The following NPSR1 variants were observed in gnomAD, a reference collection of about 807,000 sequenced individuals.
NPSR1 encodes the protein neuropeptide S receptor.
Under a neutral mutation model 46.9 loss-of-function variants are expected in NPSR1, and 48 were observed. The ratio of observed to expected loss-of-function variants is 1.02; its 90% CI spans 0.81 to 1.30. NPSR1 has a LOEUF of 1.30. Ranked by LOEUF, NPSR1 falls within the 50% of genes most tolerant of loss-of-function variation. The pLI, the probability that NPSR1 is intolerant of heterozygous loss-of-function variation, is 0.00. For synonymous variants in NPSR1, 176 were observed against 168.1 expected, an observed-to-expected ratio of 1.05 and a Z score of -0.36; for missense variants, 450 against 449.5, an observed-to-expected ratio of 1.00 and a Z score of -0.01.
At chr7:34,834,598 C>T (rs1192672699) in intron 6 of NPSR1, 138 bp downstream of exon 6, 5 of 665,426 alleles carry the variant, frequency 7.5e-6, no homozygotes, top group Non-Finnish European at 1.3e-5. Context: ...AGACCAGACC[C>T]ACCAAAGGCT....
rs557785352 is a variant in NPSR1, at chr7:34,661,630, C to T, written c.147+3071C>T. Among the ~76,000 whole-genome samples, 160 of 152,312 alleles carry T rather than the reference C, an allele frequency of 1.1e-3. 1 individual carries two copies. The highest frequency in any genetic ancestry group is 1.8e-3 in the Non-Finnish European group (122 of 68,028). On this transcript the variant is annotated intron_variant, in intron 1 of 8. Coordinates refer to ENST00000360581, the MANE Select transcript of NPSR1 (RefSeq NM_207172.2). ...TCTGCTTCCACCCCTCTAACCTACT[C>T]TACCTTCCTAAGCATGTGAGGCTCT... is the stretch of plus-strand genomic sequence containing the variant.
rs533598059 is a variant in NPSR1 at position 34,749,711 on chromosome 7, A to G, written c.281-28751A>G. On this transcript the variant is annotated intron_variant, in intron 2 of 8. Coordinates refer to ENST00000360581, the MANE Select transcript of NPSR1 (RefSeq NM_207172.2). ...AGTTGCCAATCACAGCTTGGCCCTG[A>G]TTATTGTAATAACTGACACAATTAA... is the stretch of plus-strand genomic sequence containing the variant. Among the ~76,000 whole-genome samples, 4 of 152,354 alleles carry G rather than the reference A, an allele frequency of 2.6e-5. No individual in the cohort carries two copies. The South Asian group carries it at 8.3e-4, about 32-fold the overall frequency.
chr7:34,669,224 A>T (rs1250304870), intron 1 of NPSR1, among the ~76,000 whole-genome samples: 3 of 152,204 alleles, frequency 2.0e-5, no homozygotes, highest in Non-Finnish European at 4.4e-5. Context: ...ATACACCATT[A>T]TATACTTAGA....
intron 8 of NPSR1, among the ~76,000 whole-genome samples, chr7:34,859,111 T>C (rs866650925): frequency 1.3e-5 from 2 of 151,576 alleles, no homozygotes; most frequent in African/African-American, 2.4e-5. Flanking sequence ...CTTGGTTACA[T>C]ACAGAAAACA....
intron 2 of NPSR1, among the ~76,000 whole-genome samples, chr7:34,685,385 A>T (rs945954476): frequency 7.2e-5 from 11 of 152,180 alleles, no homozygotes; most frequent in Admixed American, 3.3e-4. Flanking sequence ...TCTACAGGCC[A>T]GAAAGAAAGT....
At chr7:34,799,396 GA>G (rs1255268601) in intron 3 of NPSR1, among the ~76,000 whole-genome samples, 4 of 151,682 alleles carry the variant, frequency 2.6e-5, no homozygotes, top group African/African-American at 9.7e-5. Context: ...GGCTAATCAA[GA>G]AAAGAAGAGG....
chr7:34,688,367 A>T (rs1336263632), intron 2 of NPSR1, among the ~76,000 whole-genome samples: 1 of 152,230 alleles, frequency 6.6e-6, no homozygotes, highest in Non-Finnish European at 1.5e-5. Context: ...TGCACAAGAG[A>T]TCCATCTATT....
At chr7:34,745,768 T>A (rs977124108) in intron 2 of NPSR1, among the ~76,000 whole-genome samples, 2 of 152,178 alleles carry the variant, frequency 1.3e-5, no homozygotes, top group Non-Finnish European at 2.9e-5. Context: ...CCTGCCTTGG[T>A]CTCCCAAATT....
chr7:34,702,334 C>G (rs34592885), intron 2 of NPSR1, among the ~76,000 whole-genome samples: 121 of 152,292 alleles, frequency 7.9e-4, no homozygotes, highest in African/African-American at 2.9e-3. Context: ...TGAAAAAAAG[C>G]CTGGGAAATA....
intron 1 of NPSR1, among the ~76,000 whole-genome samples, chr7:34,665,466 T>A (rs1791693612): frequency 6.6e-6 from 1 of 152,212 alleles, no homozygotes; most frequent in South Asian, 2.1e-4. Flanking sequence ...TTCTGGCAGA[T>A]AAAACCCAAA....
chr7:34,834,579 C>G (rs1182818828), intron 6 of NPSR1, 119 bp downstream of exon 6: 1 of 757,542 alleles, frequency 1.3e-6, no homozygotes. Flanking sequence ...ATATCAGGAC[C>G]CAGCCGGCAG....
intron 1 of NPSR1, among the ~76,000 whole-genome samples, chr7:34,660,555 C>T (rs576730291): frequency 6.6e-6 from 1 of 152,214 alleles, no homozygotes; most frequent in South Asian, 2.1e-4. Flanking sequence ...ATCCCCATTG[C>T]CTTCATCAAA....
chr7:34,710,783 GT>G, intron 2 of NPSR1: 1 of 484,552 alleles, frequency 2.1e-6, no homozygotes. Context: ...GAGAAGAAAT[GT>G]TTCCTGCTGT....
intron 8 of NPSR1, chr7:34,871,420 G>T (rs551329338): frequency 6.6e-6 from 1 of 151,772 alleles, no homozygotes; most frequent in Non-Finnish European, 1.5e-5. Context: ...ATTTGGAGGG[G>T]ACAGACATCT....
chr7:34,717,352 A>C (rs2128705597), intron 2 of NPSR1, among the ~76,000 whole-genome samples: 1 of 152,296 alleles, frequency 6.6e-6, no homozygotes, highest in African/African-American at 2.4e-5. Context: ...TGCTGGTCTC[A>C]AACTCCCGAT....
chr7:34,826,530 A>G (rs1031524520), intron 4 of NPSR1, among the ~76,000 whole-genome samples: 39 of 152,176 alleles, frequency 2.6e-4, no homozygotes, highest in African/African-American at 1.2e-4. Flanking sequence ...CCCAGAGCCA[A>G]TGAGCACAGA....
intron 3 of NPSR1, among the ~76,000 whole-genome samples, chr7:34,790,769 AATAT>A (rs1554330711): frequency 1.7e-5 from 2 of 118,976 alleles, no homozygotes; most frequent in African/African-American, 6.1e-5. Context: ...TGTTATATAT[AATAT>A]ATGTTATATG....
At chr7:34,764,963 A>G (rs1260450477) in intron 2 of NPSR1, among the ~76,000 whole-genome samples, 2 of 152,204 alleles carry the variant, frequency 1.3e-5, no homozygotes, top group African/African-American at 4.8e-5. Context: ...AACAAGCAGT[A>G]GCAGTATTAC....
At chr7:34,785,908 G>A (rs1787445285) in intron 3 of NPSR1, among the ~76,000 whole-genome samples, 1 of 152,126 alleles carries the variant, frequency 6.6e-6, no homozygotes, top group South Asian at 2.1e-4. Context: ...ACAGTCATCT[G>A]AGCCTTCATC....
Sources: gnomAD v4.1 joint callset for allele counts (sites outside exome capture counted in the v4.1 genomes callset) on GRCh38, gnomAD v4.1.1 for gene constraint, MANE v1.5 for transcripts, NCBI Gene and HGNC (gene_info 2026-07-23, HGNC 2026-07-21) for gene names.